Variants in CDC14A observed in about 807,000 individuals in gnomAD.
The protein encoded by CDC14A is dual specificity protein phosphatase CDC14A.
CDC14A carries 53 observed loss-of-function variants against 74.4 expected under a neutral mutation model. The observed-to-expected ratio is 0.71, with a 90% CI of 0.57 to 0.89. CDC14A has a LOEUF of 0.89. CDC14A is among the 40% of genes least tolerant of loss of function. The pLI is 0.00. For synonymous variants in CDC14A, 247 were observed against 258.4 expected (o/e 0.96, Z 0.43); for missense variants, 646 against 713.7 (o/e 0.91, Z 1.08).
At position 100,442,970 on chromosome 1, in the gene CDC14A, G is replaced by T. The variant is rs1348823604; in HGVS notation, c.493G>T (p.Asp165Tyr). Residue 165 changes from aspartate to tyrosine, a missense_variant, in exon 7 of 16, where the codon GAT becomes TAT. Transcript: ENST00000336454. Reference protein sequence around the residue: ...QHGFFDFETFDVDEYEHYERV... With the variant: ...QHGFFDFETFYVDEYEHYERV... ...TGGATTTTTTGACTTTGAGACATTT[G>T]ATGTGGATGAATATGAACATTATGA... The T allele has an allele frequency of 1.2e-6, 2 of 1,600,810 alleles. No homozygotes were observed. The highest frequency in any genetic ancestry group is 1.7e-5 in the Admixed American group (1 of 59,854).
intron 4 of CDC14A, chr1:100,393,962 A>ATAT (rs138357365): frequency 1.4e-4 from 31 of 217,724 alleles, no homozygotes; most frequent in East Asian, 4.3e-4. Flanking sequence ...CGCAAAAAAA[A>ATAT]ATATATATAT....
intron 15 of CDC14A, among the ~76,000 whole-genome samples, chr1:100,513,404 G>T (rs986030470): frequency 6.6e-6 from 1 of 152,012 alleles, no homozygotes; most frequent in Admixed American, 6.5e-5. Flanking sequence ...GTACACTATT[G>T]TTTATTCCTT....
chr1:100,448,497 G>A (rs556896070), intron 7 of CDC14A, among the ~76,000 whole-genome samples: 8 of 152,298 alleles, frequency 5.3e-5, no homozygotes, highest in South Asian at 4.1e-4. Flanking sequence ...AACAGTCACC[G>A]CACAGGGCTT....
chr1:100,452,268 T>A (rs1365376086), intron 7 of CDC14A, among the ~76,000 whole-genome samples: 1 of 152,098 alleles, frequency 6.6e-6, no homozygotes, highest in Non-Finnish European at 1.5e-5. Flanking sequence ...TCCCAGCACT[T>A]TGGGAGGCTG....
chr1:100,352,153 C>T (rs1041914936), upstream of CDC14A, among the ~76,000 whole-genome samples: 2 of 152,218 alleles, frequency 1.3e-5, no homozygotes, highest in African/African-American at 2.4e-5. Flanking sequence ...ATCCTAGCCT[C>T]CGAGGCCGCG....
At chr1:100,471,802 A>C (rs1255450948) in intron 10 of CDC14A, among the ~76,000 whole-genome samples, 4 of 152,128 alleles carry the variant, frequency 2.6e-5, no homozygotes, top group African/African-American at 4.8e-5. Context: ...GAAAAAGAAG[A>C]ACCTTGGCTC....
In CDC14A at chr1:100,510,394, A is replaced by G. The variant is rs111796028; in HGVS notation, c.1756-7857A>G. Among the ~76,000 whole-genome samples the G allele has an allele frequency of 6.4e-3, 971 of 152,274 alleles. 6 individuals carry two copies. Among genetic ancestry groups the G allele is most frequent in the African/African-American group, 7.5e-3 (311 of 41,566 alleles). On this transcript the variant is annotated intron_variant, in intron 15 of 15. Transcript: ENST00000336454. Reference sequence around the variant, plus strand: ...TCTTATTTTAAACTTTCTTAACCTCAGTTATCTTTATTTTTGTTCACTTGA... The same window carrying G: ...TCTTATTTTAAACTTTCTTAACCTCGGTTATCTTTATTTTTGTTCACTTGA...
At chr1:100,424,107 C>T in intron 4 of CDC14A, 115 bp from the exon 5 acceptor site, 2 of 762,882 alleles carry the variant, frequency 2.6e-6, no homozygotes, top group South Asian at 1.4e-5. Flanking sequence ...TAAAGATCAA[C>T]ACTATCACCG....
chr1:100,409,723 G>GC (rs1156389428), intron 4 of CDC14A, among the ~76,000 whole-genome samples: 1 of 152,176 alleles, frequency 6.6e-6, no homozygotes, highest in African/African-American at 2.4e-5. Context: ...TGTCACCAAG[G>GC]TTGCAGTTGC....
chr1:100,352,526 G>C lies in CDC14A; in HGVS notation c.-429G>C, dbSNP rs1243391838. ...TCCGGAGCAGCTGCTGCCAGCCCGCGGGCACTGAAGTCCTCCCGGCTGCCG... is the reference window on the plus strand; with the variant it reads ...TCCGGAGCAGCTGCTGCCAGCCCGCCGGCACTGAAGTCCTCCCGGCTGCCG... On this transcript the variant is annotated 5_prime_UTR_variant, in exon 1 of 16. Transcript: ENST00000336454. The C allele has an allele frequency of 1.8e-5, 18 of 1,028,330 alleles. No homozygotes were observed. In the South Asian group the frequency reaches 5.3e-4, roughly 31 times the overall value. 63.7% of individuals were successfully genotyped at this position (1,028,330 alleles called of 1,614,324 possible). A position where few individuals can be genotyped will look rare whatever the true frequency, so the allele number is the denominator to read the frequency against.
rs1202780870 is a variant in CDC14A at position 100,352,674 on chromosome 1, G to C, written c.-281G>C. 2 of 1,296,222 alleles carry C rather than the reference G, an allele frequency of 1.5e-6. No homozygotes were observed. The highest frequency in any genetic ancestry group is 3.2e-5 in the African/African-American group (2 of 63,012). 80.3% of individuals were successfully genotyped at this position (1,296,222 alleles called of 1,614,324 possible). A position where few individuals can be genotyped will look rare whatever the true frequency, so the allele number is the denominator to read the frequency against. ...TGCGTTTCCCAGGCGCGGCGGCGGC[G>C]GAGCAGCAGCTGCAGCAGCCGAGTC... On this transcript the variant is annotated 5_prime_UTR_variant, in exon 1 of 16. Transcript: ENST00000336454.
intron 4 of CDC14A, among the ~76,000 whole-genome samples, chr1:100,420,051 C>CATATATATATATATATATATATATAT: frequency 6.7e-5 from 1 of 14,816 alleles, no homozygotes; most frequent in African/African-American, 2.5e-4. Flanking sequence ...CACACACACA[C>CATATATATATATATATATATATATAT]ACACACACAC....
chr1:100,444,298 C>T (rs892534939), intron 7 of CDC14A, among the ~76,000 whole-genome samples: 1 of 152,078 alleles, frequency 6.6e-6, no homozygotes, highest in African/African-American at 2.4e-5. Context: ...TCCTGTGGAC[C>T]TTTCATTTTA....
intron 6 of CDC14A, 28 bp downstream of exon 6, chr1:100,440,026 G>T: frequency 6.6e-7 from 1 of 1,523,512 alleles, no homozygotes; most frequent in South Asian, 1.1e-5. Context: ...TGCTGTAGTT[G>T]ACACAGTAGT....
At chr1:100,402,682 C>G (rs1323462381) in intron 4 of CDC14A, among the ~76,000 whole-genome samples, 1 of 152,128 alleles carries the variant, frequency 6.6e-6, no homozygotes, top group African/African-American at 2.4e-5. Flanking sequence ...GTACCTTGTC[C>G]AAGATCAAAC....
Position 100,496,055 on chromosome 1 carries a change from G to A in CDC14A, c.1298+6G>A. The A allele has an allele frequency of 1.2e-6, 2 of 1,610,962 alleles. No homozygotes were observed. The highest frequency in any genetic ancestry group is 2.2e-5 in the East Asian group (1 of 44,886). ...GCAGTGTCCCAGCCTTTCAGGTACT[G>A]CCAATGAGGTTGAATGTCTAGTAGC... is the stretch of plus-strand genomic sequence containing the variant. On this transcript the variant is annotated splice_donor_region_variant and intron_variant, in intron 13 of 15. Coordinates refer to ENST00000336454, the MANE Select transcript of CDC14A (RefSeq NM_003672.4).
chr1:100,448,365 C>T (rs1665777235), intron 7 of CDC14A, among the ~76,000 whole-genome samples: 1 of 152,112 alleles, frequency 6.6e-6, no homozygotes, highest in Admixed American at 6.5e-5. Flanking sequence ...CTATTGTGGC[C>T]TTGATCCTAT....
intron 7 of CDC14A, among the ~76,000 whole-genome samples, chr1:100,451,648 C>G (rs1434877745): frequency 6.6e-6 from 1 of 152,178 alleles, no homozygotes; most frequent in Non-Finnish European, 1.5e-5. Context: ...CACTGTGGTT[C>G]TACCTTATTA....
intron 4 of CDC14A, among the ~76,000 whole-genome samples, chr1:100,397,951 G>T (rs1056852296): frequency 5.9e-5 from 9 of 152,188 alleles, no homozygotes; most frequent in Non-Finnish European, 1.2e-4. Flanking sequence ...TGCTAAGTCT[G>T]TGACTAATTG....
Sources: allele counts gnomAD v4.1 joint callset (sites outside exome capture counted in the v4.1 genomes callset), GRCh38; gene constraint gnomAD v4.1.1; transcripts MANE v1.5; gene names NCBI Gene and HGNC (gene_info 2026-07-23, HGNC 2026-07-21).